Variants in TBC1D32 observed in about 807,000 individuals in gnomAD.
TBC1D32 encodes TBC1 domain family member 32.
TBC1D32 carries 151 observed loss-of-function variants against 170.3 expected under a neutral mutation model. The observed-to-expected ratio is 0.89, with a 90% CI of 0.78 to 1.01. The LOEUF is 1.01. TBC1D32 is among the 50% of genes least tolerant of loss of function. TBC1D32 has a pLI of 0.00. For missense variants in TBC1D32, 1,464 were observed against 1,457.1 expected, an observed-to-expected ratio of 1.00 and a Z score of -0.08; for synonymous variants, 498 against 488.0, an observed-to-expected ratio of 1.02 and a Z score of -0.27.
intron 30 of TBC1D32, among the ~76,000 whole-genome samples, chr6:121,096,693 C>G (rs1355530097): frequency 1.3e-5 from 2 of 150,804 alleles, no homozygotes; most frequent in African/African-American, 4.8e-5. Flanking sequence ...CTGGAAAAAA[C>G]TACTTTAAAG....
chr6:121,264,826 C>T (rs1484835236), intron 15 of TBC1D32, among the ~76,000 whole-genome samples: 1 of 152,172 alleles, frequency 6.6e-6, no homozygotes, highest in Non-Finnish European at 1.5e-5. Flanking sequence ...ATGATTACCT[C>T]AATAGATGCA....
chr6:121,137,413 GTCT>G (rs1350574282), intron 24 of TBC1D32, among the ~76,000 whole-genome samples: 2 of 149,160 alleles, frequency 1.3e-5, no homozygotes, highest in African/African-American at 4.9e-5. Flanking sequence ...GAAAGAAATA[GTCT>G]TCTTCTCTAT....
At chr6:121,125,189 T>C (rs1780693561) in intron 26 of TBC1D32, among the ~76,000 whole-genome samples, 2 of 152,186 alleles carry the variant, frequency 1.3e-5, no homozygotes, top group Admixed American at 1.3e-4. Context: ...TTCCAGGGAT[T>C]CTAAGCAGAC....
intron 20 of TBC1D32, 52 bp downstream of exon 20, chr6:121,239,018 T>G: frequency 9.9e-7 from 1 of 1,008,724 alleles, no homozygotes; most frequent in Admixed American, 1.8e-5. Flanking sequence ...ACGAATTCAT[T>G]TCTGTGAAAT....
At chr6:121,108,790 G>C (rs572588180) in intron 29 of TBC1D32, among the ~76,000 whole-genome samples, 1 of 152,038 alleles carries the variant, frequency 6.6e-6, no homozygotes, top group Admixed American at 6.6e-5. Flanking sequence ...GACCCCATTA[G>C]AAAGATTTGA....
At chr6:121,197,243 T>G (rs1790857201) in intron 22 of TBC1D32, among the ~76,000 whole-genome samples, 1 of 152,110 alleles carries the variant, frequency 6.6e-6, no homozygotes, top group African/African-American at 2.4e-5. Context: ...GCCCTGTGAT[T>G]AAGGTCAATG....
At chr6:121,123,617 A>G (rs1399457328) in intron 26 of TBC1D32, among the ~76,000 whole-genome samples, 1 of 152,000 alleles carries the variant, frequency 6.6e-6, no homozygotes, top group African/African-American at 2.4e-5. Flanking sequence ...TTTTCAGTCT[A>G]TGTGAGTCTT....
intron 21 of TBC1D32, among the ~76,000 whole-genome samples, chr6:121,213,006 G>A (rs775141183): frequency 5.9e-5 from 9 of 151,982 alleles, no homozygotes; most frequent in Non-Finnish European, 1.0e-4. Flanking sequence ...AACATCCTTC[G>A]TGTTAAAAAC....
At chr6:121,278,669 C>T (rs1385472908) in intron 15 of TBC1D32, among the ~76,000 whole-genome samples, 1 of 151,942 alleles carries the variant, frequency 6.6e-6, no homozygotes, top group Non-Finnish European at 1.5e-5. Flanking sequence ...ATAAATCAAG[C>T]TGCAGGGTAA....
chr6:121,294,444 T>C (rs1805315578), intron 11 of TBC1D32, 126 bp downstream of exon 11: 1 of 622,648 alleles, frequency 1.6e-6, no homozygotes, highest in Non-Finnish European at 2.8e-6. Flanking sequence ...TTTTACAGCA[T>C]CATTAGTAAA....
chr6:121,247,641 A>G (rs998563568), intron 17 of TBC1D32, among the ~76,000 whole-genome samples: 3 of 145,110 alleles, frequency 2.1e-5, no homozygotes, highest in African/African-American at 5.0e-5. Context: ...ACAAATAGAA[A>G]CCAAAACCAA....
intron 22 of TBC1D32, among the ~76,000 whole-genome samples, chr6:121,202,603 G>T (rs985331972): frequency 4.0e-5 from 6 of 151,258 alleles, no homozygotes; most frequent in Non-Finnish European, 8.8e-5. Context: ...ATCAGTGGCT[G>T]CAAGGAGACA....
intron 17 of TBC1D32, among the ~76,000 whole-genome samples, chr6:121,247,695 C>CAAAAAAAAAAAAAAAAAAA (rs34914027): frequency 3.0e-4 from 14 of 46,572 alleles, no homozygotes; most frequent in African/African-American, 9.2e-4. Flanking sequence ...GGCTTTAAAG[C>CAAAAAAAAAAAAAAAAAAA]AAAAAAAAAA....
chr6:121,123,496 G>C (rs533698576), intron 26 of TBC1D32, among the ~76,000 whole-genome samples: 1 of 151,776 alleles, frequency 6.6e-6, no homozygotes, highest in African/African-American at 2.4e-5. Context: ...TGACCTTTTT[G>C]GTCTCTTTTT....
chr6:121,126,878 T>C (rs1016417958), intron 25 of TBC1D32, among the ~76,000 whole-genome samples: 5 of 152,132 alleles, frequency 3.3e-5, no homozygotes, highest in African/African-American at 1.2e-4. Flanking sequence ...GGACATATTA[T>C]ATGTTTTATA....
At chr6:121,263,589 A>G (rs974541201) in intron 15 of TBC1D32, among the ~76,000 whole-genome samples, 1 of 152,202 alleles carries the variant, frequency 6.6e-6, no homozygotes, top group African/African-American at 2.4e-5. Context: ...CTCTGGATCA[A>G]GAGGACCTAA....
At chr6:121,258,447 T>C (rs1799330243) in intron 15 of TBC1D32, among the ~76,000 whole-genome samples, 1 of 152,100 alleles carries the variant, frequency 6.6e-6, no homozygotes, top group Non-Finnish European at 1.5e-5. Context: ...TTTTTTCTGT[T>C]TTTTGTTTTT....
chr6:121,253,742 T>C (rs1360410270), intron 17 of TBC1D32, among the ~76,000 whole-genome samples: 2 of 151,182 alleles, frequency 1.3e-5, no homozygotes, highest in African/African-American at 4.9e-5. Context: ...AAAAAAACAA[T>C]AGATGTTGGT....
At chr6:121,299,539 A>C in intron 9 of TBC1D32, 34 bp from the exon 10 acceptor site, 2 of 1,473,938 alleles carry the variant, frequency 1.4e-6, no homozygotes, top group Non-Finnish European at 1.8e-6. Flanking sequence ...TTAATACTCA[A>C]GCTGTGCCAC....
Sources: gnomAD v4.1 joint callset for allele counts (sites outside exome capture counted in the v4.1 genomes callset) on GRCh38, gnomAD v4.1.1 for gene constraint, MANE v1.5 for transcripts, NCBI Gene and HGNC (gene_info 2026-07-23, HGNC 2026-07-21) for gene names.